Variants in CCDC85A observed in about 807,000 individuals in gnomAD.
The protein encoded by CCDC85A is coiled-coil domain containing 85A.
In CCDC85A, 38 loss-of-function variants were observed where a neutral mutation model predicts 50.2. The ratio of observed to expected loss-of-function variants is 0.76; its 90% CI spans 0.58 to 0.99. The LOEUF (loss-of-function observed/expected upper bound fraction) is 0.99, where lower values mean the gene tolerates loss of function less well. Ranked by LOEUF, CCDC85A falls within the 50% of genes least tolerant of loss-of-function variation. CCDC85A has a pLI of 0.00. For synonymous variants in CCDC85A, 366 were observed against 301.4 expected, an observed-to-expected ratio of 1.21 and a Z score of -2.22; for missense variants, 820 against 742.0, an observed-to-expected ratio of 1.11 and a Z score of -1.22.
intron 5 of CCDC85A, among the ~76,000 whole-genome samples, chr2:56,380,719 C>T (rs1676547191): frequency 2.0e-5 from 3 of 151,844 alleles, no homozygotes; most frequent in African/African-American, 7.3e-5. Flanking sequence ...ACTATTAATC[C>T]CTGACTAAAT....
At chr2:56,377,487 A>G (rs2104400961) in intron 5 of CCDC85A, among the ~76,000 whole-genome samples, 1 of 152,284 alleles carries the variant, frequency 6.6e-6, no homozygotes, top group South Asian at 2.1e-4. Context: ...TTAAATGGCA[A>G]TTGCTATTTG....
At chr2:56,210,829 T>A (rs1677154619) in intron 2 of CCDC85A, among the ~76,000 whole-genome samples, 1 of 152,066 alleles carries the variant, frequency 6.6e-6, no homozygotes. Flanking sequence ...TGACCTAGTC[T>A]TAGAAGTCAT....
At chr2:56,204,290 A>T (rs888280) in intron 2 of CCDC85A, among the ~76,000 whole-genome samples, 131,749 of 152,282 alleles carry the variant, frequency 0.87, 56,998 homozygotes, top group Non-Finnish European at 0.87. Context: ...TGTATTCTTA[A>T]ATGTCTATTC....
At chr2:56,247,098 T>TATATCCCCTCAAA (rs1669544715) in intron 2 of CCDC85A, among the ~76,000 whole-genome samples, 1 of 152,198 alleles carries the variant, frequency 6.6e-6, no homozygotes, top group African/African-American at 2.4e-5. Flanking sequence ...AAAATGTGGT[T>TATATCCCCTCAAA]ATGCTATAGT....
chr2:56,223,639 C>G (rs572518885), intron 2 of CCDC85A, among the ~76,000 whole-genome samples: 1 of 152,254 alleles, frequency 6.6e-6, no homozygotes, highest in Middle Eastern at 3.4e-3. Context: ...TAACATATAA[C>G]TGCAACCTGA....
At chr2:56,221,868 C>T (rs934350251) in intron 2 of CCDC85A, among the ~76,000 whole-genome samples, 127 of 152,184 alleles carry the variant, frequency 8.3e-4, no homozygotes, top group Non-Finnish European at 7.4e-5. Context: ...TTATTTCTTA[C>T]ACTTCTGGAG....
intron 3 of CCDC85A, among the ~76,000 whole-genome samples, chr2:56,362,054 G>A (rs890110238): frequency 1.3e-5 from 2 of 152,066 alleles, no homozygotes; most frequent in African/African-American, 4.8e-5. Context: ...GATGGAATGT[G>A]GACTGTAAAG....
intron 2 of CCDC85A, among the ~76,000 whole-genome samples, chr2:56,296,154 T>G (rs1671938224): frequency 6.6e-6 from 1 of 152,256 alleles, no homozygotes; most frequent in African/African-American, 2.4e-5. Flanking sequence ...TCATTGCCTC[T>G]TTTTATTCTC....
At chr2:56,201,719 G>C (rs566272156) in intron 2 of CCDC85A, among the ~76,000 whole-genome samples, 1 of 152,164 alleles carries the variant, frequency 6.6e-6, no homozygotes, top group East Asian at 1.9e-4. Context: ...TGCATATATT[G>C]ATGCATATAG....
At chr2:56,370,769 A>G (rs952190635) in intron 3 of CCDC85A, among the ~76,000 whole-genome samples, 2 of 152,098 alleles carry the variant, frequency 1.3e-5, no homozygotes, top group Non-Finnish European at 2.9e-5. Flanking sequence ...GTTACAATGG[A>G]GAGGAATTGG....
chr2:56,378,339 A>G (rs772427381), intron 5 of CCDC85A, among the ~76,000 whole-genome samples: 1 of 152,210 alleles, frequency 6.6e-6, no homozygotes, highest in Non-Finnish European at 1.5e-5. Context: ...AGAAATTAGT[A>G]CATTTGTGAT....
At chr2:56,276,916 G>A (rs764667134) in intron 2 of CCDC85A, among the ~76,000 whole-genome samples, 7 of 152,036 alleles carry the variant, frequency 4.6e-5, no homozygotes, top group East Asian at 1.9e-4. Context: ...AGTGAACTTC[G>A]TTTTCAGCAT....
chr2:56,203,150 G>C (rs921076095), intron 2 of CCDC85A, among the ~76,000 whole-genome samples: 1 of 152,164 alleles, frequency 6.6e-6, no homozygotes, highest in Non-Finnish European at 1.5e-5. Context: ...TGGTTATGGA[G>C]TCATGGGAGA....
At chr2:56,302,877 T>A (rs762765582) in intron 2 of CCDC85A, among the ~76,000 whole-genome samples, 34 of 152,322 alleles carry the variant, frequency 2.2e-4, no homozygotes, top group Non-Finnish European at 4.1e-4. Flanking sequence ...TTCTTTTTCA[T>A]CTCATTTGAT....
At chr2:56,270,611 T>C (rs1030832575) in intron 2 of CCDC85A, among the ~76,000 whole-genome samples, 1 of 152,224 alleles carries the variant, frequency 6.6e-6, no homozygotes, top group Non-Finnish European at 1.5e-5. Flanking sequence ...TTTGTAGTTA[T>C]TTTTACAATT....
intron 1 of CCDC85A, among the ~76,000 whole-genome samples, chr2:56,188,929 C>G (rs1185056735): frequency 1.3e-5 from 2 of 152,196 alleles, no homozygotes; most frequent in Non-Finnish European, 2.9e-5. Flanking sequence ...TCTCCAGAAG[C>G]TAAGATGTCC....
intron 2 of CCDC85A, among the ~76,000 whole-genome samples, chr2:56,267,989 G>A (rs1449722950): frequency 3.9e-5 from 6 of 152,112 alleles, no homozygotes; most frequent in Non-Finnish European, 8.8e-5. Flanking sequence ...GACTTTCTAT[G>A]TTCATATTCT....
At chr2:56,254,212 T>A (rs1445369162) in intron 2 of CCDC85A, among the ~76,000 whole-genome samples, 1 of 152,080 alleles carries the variant, frequency 6.6e-6, no homozygotes, top group Non-Finnish European at 1.5e-5. Flanking sequence ...ATTTGATGAA[T>A]GTGAAAAAAT....
At position 56,342,871 on chromosome 2, in the gene CCDC85A, A is replaced by C. The variant is rs76743159; in HGVS notation, c.1241-8A>C. 39 of 1,567,874 alleles carry C rather than the reference A, an allele frequency of 2.5e-5. No individual in the cohort carries two copies. In the South Asian group the frequency reaches 4.6e-4, roughly 18 times the overall value. On this transcript the variant is annotated splice_region_variant and splice_polypyrimidine_tract_variant and intron_variant, in intron 2 of 5. Transcript: ENST00000407595. ...TGTATAATGTGAGTTCTTTCTTTTTAATTTTAGAATCAACCTTGTCCTATG... is the reference window on the plus strand; with the variant it reads ...TGTATAATGTGAGTTCTTTCTTTTTCATTTTAGAATCAACCTTGTCCTATG...
Sources: gnomAD v4.1 joint callset for allele counts (sites outside exome capture counted in the v4.1 genomes callset) on GRCh38, gnomAD v4.1.1 for gene constraint, MANE v1.5 for transcripts, NCBI Gene and HGNC (gene_info 2026-07-23, HGNC 2026-07-21) for gene names.